The following CNOT6L variants were observed in gnomAD, a reference collection of about 807,000 sequenced individuals.
CNOT6L encodes the protein CCR4-NOT transcription complex subunit 6 like.
A neutral mutation model predicts 64.0 loss-of-function variants in CNOT6L; 7 were observed. The observed-to-expected ratio is 0.11, with a 90% confidence interval of 0.06 to 0.21. The LOEUF (loss-of-function observed/expected upper bound fraction) is 0.21, where lower values mean the gene tolerates loss of function less well. CNOT6L is among the 10% of genes least tolerant of loss of function. The probability of loss-of-function intolerance (pLI) is 1.00; values close to 1 mark genes in which losing one functional copy is unlikely to be tolerated. For missense variants in CNOT6L, 245 were observed against 669.0 expected, an observed-to-expected ratio of 0.37 and a Z score of 6.99; for synonymous variants, 193 against 243.4, an observed-to-expected ratio of 0.79 and a Z score of 1.93.
At chr4:77,727,337 C>A (rs1162440560) in intron 10 of CNOT6L, among the ~76,000 whole-genome samples, 1 of 152,052 alleles carries the variant, frequency 6.6e-6, no homozygotes, top group East Asian at 1.9e-4. Flanking sequence ...CCGAGGTGGG[C>A]GGATCCAGCA....
chr4:77,766,544 GAAAAA>G (rs71661131), intron 4 of CNOT6L, among the ~76,000 whole-genome samples: 1 of 144,098 alleles, frequency 6.9e-6, no homozygotes. Context: ...AACTGGAAAA[GAAAAA>G]AAAAAGCCAT....
intron 5 of CNOT6L, among the ~76,000 whole-genome samples, chr4:77,753,115 TAGAA>T (rs1248589018): frequency 2.3e-5 from 3 of 132,918 alleles, no homozygotes; most frequent in African/African-American, 5.6e-5. Flanking sequence ...CAGAAACTCA[TAGAA>T]AGAGAAATGG....
intron 4 of CNOT6L, among the ~76,000 whole-genome samples, chr4:77,761,491 G>A (rs532255340): frequency 1.1e-4 from 17 of 152,302 alleles, no homozygotes; most frequent in East Asian, 1.9e-4. Flanking sequence ...TAACAGAAAC[G>A]TTTTGAGTTC....
chr4:77,729,758 T>TA (rs1175267636), intron 9 of CNOT6L, among the ~76,000 whole-genome samples: 1 of 152,200 alleles, frequency 6.6e-6, no homozygotes, highest in East Asian at 1.9e-4. Flanking sequence ...GTTTTTTTTT[T>TA]ATTCCTATAA....
intron 1 of CNOT6L, among the ~76,000 whole-genome samples, chr4:77,795,751 A>C (rs1250486142): frequency 1.3e-5 from 2 of 152,168 alleles, no homozygotes; most frequent in Non-Finnish European, 2.9e-5. Flanking sequence ...ACCCAGTCTC[A>C]GGTATGTTTT....
At chr4:77,766,700 TTC>T (rs973102958) in intron 4 of CNOT6L, among the ~76,000 whole-genome samples, 14 of 151,540 alleles carry the variant, frequency 9.2e-5, no homozygotes, top group African/African-American at 3.4e-4. Context: ...CCAATTGTAT[TTC>T]TATATCCAAT....
At chr4:77,767,752 G>A (rs1727011225) in intron 4 of CNOT6L, among the ~76,000 whole-genome samples, 1 of 152,086 alleles carries the variant, frequency 6.6e-6, no homozygotes, top group South Asian at 2.1e-4. Context: ...GCTGAGGCAG[G>A]TAGATCACCT....
chr4:77,812,670 T>A (rs1733092868), intron 1 of CNOT6L, among the ~76,000 whole-genome samples: 1 of 152,024 alleles, frequency 6.6e-6, no homozygotes, highest in Admixed American at 6.6e-5. Context: ...CTGTTGACAC[T>A]TAAAGACGAT....
At chr4:77,754,430 G>GT (rs1286704694) in intron 5 of CNOT6L, among the ~76,000 whole-genome samples, 2 of 152,128 alleles carry the variant, frequency 1.3e-5, no homozygotes, top group African/African-American at 4.8e-5. Flanking sequence ...TATAAAAAGC[G>GT]TAACAAATAG....
chr4:77,748,524 G>T (rs1413363680), intron 5 of CNOT6L, 140 bp from the exon 6 acceptor site: 1 of 633,702 alleles, frequency 1.6e-6, no homozygotes, highest in Non-Finnish European at 2.8e-6. Flanking sequence ...GAAATTTAAT[G>T]AAGATTAAGG....
chr4:77,803,865 T>TACACA (rs1731903688), intron 1 of CNOT6L, among the ~76,000 whole-genome samples: 2 of 151,648 alleles, frequency 1.3e-5, no homozygotes, highest in Non-Finnish European at 2.9e-5. Context: ...ATCATGCTAT[T>TACACA]GCACTCCAGC....
In CNOT6L at chr4:77,799,894, T is replaced by C. The variant is rs1394789785; in HGVS notation, c.5+19410A>G. Reference sequence around the variant, plus strand: ...GTGGAAAAAAACTGAAGTAACATTCTAACACTTCATATGAAATCCTTCATC... The same window carrying C: ...GTGGAAAAAAACTGAAGTAACATTCCAACACTTCATATGAAATCCTTCATC... On this transcript the variant is annotated intron_variant, in intron 1 of 11. Coordinates refer to ENST00000504123, the MANE Select transcript of CNOT6L (RefSeq NM_144571.3). Among the ~76,000 whole-genome samples the C allele has an allele frequency of 2.0e-5, 3 of 152,186 alleles. No individual in the cohort carries two copies. In the East Asian group the frequency reaches 5.8e-4, roughly 29 times the overall value.
At chr4:77,784,618 G>A (rs1237793777) in intron 1 of CNOT6L, among the ~76,000 whole-genome samples, 4 of 151,808 alleles carry the variant, frequency 2.6e-5, no homozygotes, top group East Asian at 1.9e-4. Flanking sequence ...TGAGTACCGA[G>A]GACTACAGGT....
At position 77,748,362 on chromosome 4, in the gene CNOT6L, C is replaced by G; in HGVS notation, c.513G>C (p.Pro171=). The change falls in exon 6 of 12, where the codon CCG becomes CCC. Residue 171 remains proline (P), a synonymous_variant. Transcript: ENST00000504123. ...NLAVHPEQLP[P]RPWITLKERD... is the part of the protein sequence containing the mutation. ...GTTCTTTTAATGTAATCCATGGCCT[C>G]GGAGGAAGCTGCTCTGGATGAACTG... The G allele has an allele frequency of 1.2e-6, 2 of 1,612,444 alleles. No individual in the cohort carries two copies. Among genetic ancestry groups the G allele is most frequent in the Non-Finnish European group, 1.7e-6 (2 of 1,178,972 alleles).
At chr4:77,755,794 GC>G (rs1725496740) in intron 5 of CNOT6L, among the ~76,000 whole-genome samples, 2 of 151,998 alleles carry the variant, frequency 1.3e-5, no homozygotes, top group African/African-American at 4.8e-5. Context: ...TGTCATCATG[GC>G]CACTATGCTG....
At chr4:77,791,900 T>G (rs1157134458) in intron 1 of CNOT6L, among the ~76,000 whole-genome samples, 3 of 152,182 alleles carry the variant, frequency 2.0e-5, no homozygotes, top group Admixed American at 2.0e-4. Flanking sequence ...AGAATATATA[T>G]GTACATATAT....
At chr4:77,754,426 A>C (rs1419441963) in intron 5 of CNOT6L, among the ~76,000 whole-genome samples, 10 of 152,204 alleles carry the variant, frequency 6.6e-5, no homozygotes, top group Non-Finnish European at 1.5e-4. Context: ...AAATTATAAA[A>C]AGCGTAACAA....
chr4:77,755,364 G>A (rs185927177), intron 5 of CNOT6L, among the ~76,000 whole-genome samples: 111 of 148,526 alleles, frequency 7.5e-4, no homozygotes, highest in African/African-American at 2.0e-3. Flanking sequence ...CTACAGGCAC[G>A]TGCCACCACA....
chr4:77,742,370 ATGAG>A (rs1723691900), intron 7 of CNOT6L, 75 bp from the exon 8 acceptor site: 1 of 1,273,216 alleles, frequency 7.9e-7, no homozygotes, highest in African/African-American at 1.5e-5. Flanking sequence ...GTTCAGCATT[ATGAG>A]TAAGATGTAA....
Sources: gnomAD v4.1 joint callset for allele counts (sites outside exome capture counted in the v4.1 genomes callset) on GRCh38, gnomAD v4.1.1 for gene constraint, MANE v1.5 for transcripts, NCBI Gene and HGNC (gene_info 2026-07-23, HGNC 2026-07-21) for gene names.